The following TASP1 variants were observed in gnomAD, a reference collection of about 807,000 sequenced individuals.
TASP1 encodes the protein threonine aspartase 1.
Under a neutral mutation model 56.6 loss-of-function variants are expected in TASP1, and 16 were observed. The ratio of observed to expected loss-of-function variants is 0.28; its 90% CI spans 0.19 to 0.43. TASP1 has a LOEUF of 0.43. TASP1 is among the 20% of genes least tolerant of loss of function. TASP1 has a pLI of 1.00. For synonymous variants in TASP1, 179 were observed against 184.2 expected (o/e 0.97, Z 0.23); for missense variants, 393 against 511.6 (o/e 0.77, Z 2.24).
chr20:13,134,035 C>T, the TASP1 span, among the ~76,000 whole-genome samples: 1 of 152,178 alleles, frequency 6.6e-6, no homozygotes, highest in Admixed American at 6.5e-5. Flanking sequence ...ACTGTGAACA[C>T]ACATTCAGGT....
chr20:13,258,932 G>A, the TASP1 span, among the ~76,000 whole-genome samples: 2 of 152,108 alleles, frequency 1.3e-5, no homozygotes, highest in Non-Finnish European at 2.9e-5. Context: ...TAAAGAAGGT[G>A]AGAGAGCATA....
At chr20:13,391,464 C>T (rs999901344) in intron 13 of TASP1, among the ~76,000 whole-genome samples, 1 of 152,140 alleles carries the variant, frequency 6.6e-6, no homozygotes, top group Non-Finnish European at 1.5e-5. Flanking sequence ...TCACGCAATC[C>T]TCTCTACTTG....
At chr20:13,257,602 A>G in the TASP1 span, among the ~76,000 whole-genome samples, 1 of 152,044 alleles carries the variant, frequency 6.6e-6, no homozygotes, top group Non-Finnish European at 1.5e-5. Flanking sequence ...TTTTATCATC[A>G]CTATATCTAT....
chr20:13,421,953 C>A (rs1600738930), intron 12 of TASP1, among the ~76,000 whole-genome samples: 1 of 139,046 alleles, frequency 7.2e-6, no homozygotes, highest in East Asian at 2.0e-4. Context: ...TCTGTTTAAC[C>A]TTTTTTTTTT....
chr20:13,341,105 A>G, the TASP1 span, among the ~76,000 whole-genome samples: 4 of 152,210 alleles, frequency 2.6e-5, no homozygotes, highest in Non-Finnish European at 5.9e-5. Context: ...CTAGCTATCA[A>G]CCACATTGAG....
the TASP1 span, among the ~76,000 whole-genome samples, chr20:13,125,600 C>T: frequency 2.6e-5 from 4 of 152,224 alleles, no homozygotes; most frequent in Non-Finnish European, 5.9e-5. Flanking sequence ...TCTGGGCTTG[C>T]TTCTGTACAA....
At chr20:13,531,708 C>T (rs186692817) in intron 9 of TASP1, among the ~76,000 whole-genome samples, 165 of 152,100 alleles carry the variant, frequency 1.1e-3, no homozygotes, top group Non-Finnish European at 1.9e-3. Context: ...CTCTCACCCA[C>T]GCTGGAGTGC....
chr20:13,384,468 T>C (rs963663541), downstream of TASP1, among the ~76,000 whole-genome samples: 1 of 152,130 alleles, frequency 6.6e-6, no homozygotes, highest in Non-Finnish European at 1.5e-5. Context: ...TAATCCTTCC[T>C]GTGGCCAAAC....
the TASP1 span, among the ~76,000 whole-genome samples, chr20:13,359,832 T>C: frequency 7.2e-5 from 11 of 151,942 alleles, no homozygotes; most frequent in South Asian, 2.3e-3. Context: ...CATCCTCCTC[T>C]TCTATCCCCC....
chr20:13,191,785 G>A, the TASP1 span, among the ~76,000 whole-genome samples: 1 of 152,136 alleles, frequency 6.6e-6, no homozygotes, highest in Non-Finnish European at 1.5e-5. Context: ...TTGGGGTGAT[G>A]GATATTTGAA....
chr20:13,459,715 G>A (rs1268474839), intron 11 of TASP1, among the ~76,000 whole-genome samples: 1 of 152,038 alleles, frequency 6.6e-6, no homozygotes, highest in East Asian at 1.9e-4. Context: ...AGAGACAGAA[G>A]CAGAAAGAAC....
chr20:13,523,758 A>G (rs1223953212), intron 10 of TASP1, among the ~76,000 whole-genome samples: 3 of 152,148 alleles, frequency 2.0e-5, no homozygotes, highest in Admixed American at 6.6e-5. Flanking sequence ...AGAACTGAGA[A>G]AATCAGAAAT....
chr20:13,343,511 G>C, the TASP1 span, among the ~76,000 whole-genome samples: 36 of 152,270 alleles, frequency 2.4e-4, no homozygotes, highest in Middle Eastern at 3.4e-3. Flanking sequence ...CTTTCTATGC[G>C]TTTCTCCCTG....
the TASP1 span, among the ~76,000 whole-genome samples, chr20:13,249,829 T>C: frequency 1.5e-5 from 2 of 132,854 alleles, no homozygotes; most frequent in African/African-American, 3.0e-5. Context: ...TGTTTTGTTT[T>C]GTTTTGTTTC....
At chr20:13,245,156 T>C in the TASP1 span, 1 of 152,208 alleles carries the variant, frequency 6.6e-6, no homozygotes, top group Non-Finnish European at 1.5e-5. Context: ...AATTACCCTA[T>C]ACTTATGCTA....
At chr20:13,154,028 GA>G in the TASP1 span, 2 of 1,614,078 alleles carry the variant, frequency 1.2e-6, no homozygotes, top group Non-Finnish European at 1.7e-6. Context: ...AGCAACTTGC[GA>G]AAAACACAAG....
intron 4 of TASP1, among the ~76,000 whole-genome samples, chr20:13,618,842 A>C (rs1018073888): frequency 3.9e-5 from 6 of 152,086 alleles, no homozygotes; most frequent in African/African-American, 1.2e-4. Flanking sequence ...CTTTTACTAT[A>C]TAAAATGTAA....
intron 6 of TASP1, among the ~76,000 whole-genome samples, chr20:13,570,939 G>C (rs2046691994): frequency 6.6e-6 from 1 of 152,222 alleles, no homozygotes; most frequent in Non-Finnish European, 1.5e-5. Context: ...TAAAAGAGAA[G>C]TTGAAGTAGT....
chr20:13,145,778 G>A, the TASP1 span, among the ~76,000 whole-genome samples: 1 of 152,140 alleles, frequency 6.6e-6, no homozygotes, highest in African/African-American at 2.4e-5. Flanking sequence ...CATGATACTG[G>A]TAAGAAAACA....
Sources: gnomAD v4.1 joint callset for allele counts (sites outside exome capture counted in the v4.1 genomes callset) on GRCh38, gnomAD v4.1.1 for gene constraint, MANE v1.5 for transcripts, NCBI Gene and HGNC (gene_info 2026-07-23, HGNC 2026-07-21) for gene names.